Variants in GDA observed in about 807,000 individuals in gnomAD.
GDA encodes the protein guanine deaminase.
In GDA, 18 loss-of-function variants were observed where a neutral mutation model predicts 59.6. The observed-to-expected ratio is 0.30, with a 90% CI of 0.21 to 0.45. GDA has a LOEUF of 0.45. GDA is among the 20% of genes least tolerant of loss of function. GDA has a pLI of 1.00. For synonymous variants in GDA, 201 were observed against 201.1 expected (o/e 1.00, Z 0.00); for missense variants, 427 against 552.3 (o/e 0.77, Z 2.27).
chr9:72,219,288 A>C (rs894145768), intron 5 of GDA, among the ~76,000 whole-genome samples, 191 bp from the exon 6 acceptor site: 1 of 152,054 alleles, frequency 6.6e-6, no homozygotes, highest in Non-Finnish European at 1.5e-5. Flanking sequence ...CTGTAGTCCC[A>C]GCTACTCGGG....
At chr9:72,202,769 A>C (rs985092341) in intron 3 of GDA, 27 bp downstream of exon 3, 2 of 1,543,104 alleles carry the variant, frequency 1.3e-6, no homozygotes. Context: ...TGAGTGTGGT[A>C]TTCTGTTTGG....
chr9:72,211,878 A>G (rs1835417258), intron 4 of GDA, among the ~76,000 whole-genome samples: 1 of 152,208 alleles, frequency 6.6e-6, no homozygotes, highest in Admixed American at 6.5e-5. Context: ...AATATGCACC[A>G]AAGACTCAAA....
chr9:72,232,896 A>T (rs553986720), intron 10 of GDA, among the ~76,000 whole-genome samples: 1 of 152,260 alleles, frequency 6.6e-6, no homozygotes, highest in African/African-American at 2.4e-5. Flanking sequence ...AAACTTTAAA[A>T]TGCATGCAAA....
At chr9:72,166,984 C>A (rs2130905987) in intron 1 of GDA, among the ~76,000 whole-genome samples, 1 of 152,240 alleles carries the variant, frequency 6.6e-6, no homozygotes, top group African/African-American at 2.4e-5. Context: ...TCTTGACAGG[C>A]AAAGATGATT....
chr9:72,203,815 T>A (rs1834318341), intron 3 of GDA, among the ~76,000 whole-genome samples: 1 of 152,092 alleles, frequency 6.6e-6, no homozygotes, highest in Admixed American at 6.6e-5. Flanking sequence ...AAGTGCTTTT[T>A]TTTTTTCTTC....
At position 72,118,472 on chromosome 9, in the gene GDA, A is replaced by G. The variant is rs374869529; in HGVS notation, c.-100+3639A>G. ...CAAGCGAACTCTAAAGTCACACTAT[A>G]AATATGTTTTTATCACGATATTGAT... On this transcript the variant is annotated intron_variant, in intron 1 of 13. Coordinates refer to the GDA transcript ENST00000545168. Among the ~76,000 whole-genome samples the G allele has an allele frequency of 1.1e-4, 17 of 152,208 alleles. 1 individual carries two copies. The East Asian group carries it at 2.9e-3, about 26-fold the overall frequency.
intron 1 of GDA, among the ~76,000 whole-genome samples, chr9:72,137,220 A>T (rs10869128): frequency 0.17 from 23,599 of 136,182 alleles, 3,694 homozygotes; most frequent in African/African-American, 0.41. Flanking sequence ...AAAAAAAAAA[A>T]TTAGGATCCT....
At chr9:72,253,461 C>T (rs1840808786), downstream of GDA, 1 of 152,118 alleles carries the variant, frequency 6.6e-6, no homozygotes, top group African/African-American at 2.4e-5. Flanking sequence ...ACTCTAACTG[C>T]CCTGGGAAAC....
At chr9:72,210,970 A>T (rs956622537) in intron 4 of GDA, among the ~76,000 whole-genome samples, 196 bp downstream of exon 4, 5 of 152,306 alleles carry the variant, frequency 3.3e-5, no homozygotes, top group African/African-American at 7.2e-5. Context: ...TAGAAAATAG[A>T]AAACTGTATC....
At chr9:72,255,795 T>C (rs1054046644), downstream of GDA, among the ~76,000 whole-genome samples, 4 of 152,194 alleles carry the variant, frequency 2.6e-5, no homozygotes, top group African/African-American at 9.7e-5. Flanking sequence ...GTTGTTTGTT[T>C]ATTTATTAAA....
At chr9:72,239,530 G>T (rs192967149) in intron 10 of GDA, among the ~76,000 whole-genome samples, 1 of 151,814 alleles carries the variant, frequency 6.6e-6, no homozygotes, top group African/African-American at 2.4e-5. Flanking sequence ...ACTTCCAGTC[G>T]TTACCCATAT....
intron 1 of GDA, among the ~76,000 whole-genome samples, chr9:72,143,648 C>CTTTAA (rs1826522005): frequency 6.6e-6 from 1 of 152,102 alleles, no homozygotes; most frequent in Admixed American, 6.6e-5. Flanking sequence ...TTCTGTTTTC[C>CTTTAA]CTTTTTCTAT....
At chr9:72,187,529 G>A (rs1454496118) in intron 1 of GDA, among the ~76,000 whole-genome samples, 2 of 152,140 alleles carry the variant, frequency 1.3e-5, no homozygotes, top group African/African-American at 4.8e-5. Context: ...TTACCAATCT[G>A]TGGTATTCTG....
At chr9:72,163,956 C>T (rs1004930097) in intron 1 of GDA, among the ~76,000 whole-genome samples, 2 of 152,176 alleles carry the variant, frequency 1.3e-5, no homozygotes, top group African/African-American at 4.8e-5. Context: ...TACTCCTGAC[C>T]TCTCTGTTTT....
intron 1 of GDA, among the ~76,000 whole-genome samples, chr9:72,126,959 TAGCCGC>T (rs1163515883): frequency 6.6e-6 from 1 of 152,118 alleles, no homozygotes; most frequent in Non-Finnish European, 1.5e-5. Flanking sequence ...AGCAAATTAC[TAGCCGC>T]GATAGATCAG....
chr9:72,186,570 C>G lies in GDA; in HGVS notation c.124-8930C>G, dbSNP rs971730835. On this transcript the variant is annotated intron_variant, in intron 1 of 13. Transcript: ENST00000358399. Reference sequence around the variant, plus strand: ...TCTTCATCAATTTATTGTTCCCAGTCTCTGGAATAATCCTGAGCATACAGG... The same window carrying G: ...TCTTCATCAATTTATTGTTCCCAGTGTCTGGAATAATCCTGAGCATACAGG... Among the ~76,000 whole-genome samples, 4 of 152,138 alleles carry G rather than the reference C, an allele frequency of 2.6e-5. No individual in the cohort carries two copies. The East Asian group carries it at 5.8e-4, about 22-fold the overall frequency.
At chr9:72,223,280 G>T in intron 7 of GDA, 53 bp downstream of exon 7, 1 of 939,866 alleles carries the variant, frequency 1.1e-6, no homozygotes, top group Non-Finnish European at 1.7e-6. Flanking sequence ...AGATTTCTCA[G>T]CACCCTTAAA....
At chr9:72,116,501 G>C (rs1216235526) in intron 1 of GDA, among the ~76,000 whole-genome samples, 1 of 148,922 alleles carries the variant, frequency 6.7e-6, no homozygotes, top group African/African-American at 2.5e-5. Context: ...TCCTGCCTCA[G>C]CCTTCCGAGT....
Position 72,250,930 on chromosome 9 carries a change from A to T in GDA, c.*2588A>T. On this transcript the variant is annotated 3_prime_UTR_variant, in exon 14 of 14. Coordinates refer to ENST00000358399, the MANE Select transcript of GDA (RefSeq NM_004293.5). ...AAAAGCAGGCTAGTCAGCTAAGGTA[A>T]ATTTCATTTTCAAACGAGAGGGAAA... 4 of 1,096,934 alleles carry T rather than the reference A, an allele frequency of 3.6e-6. No individual in the cohort carries two copies. The highest frequency in any genetic ancestry group is 5.4e-6 in the Non-Finnish European group (4 of 741,684). The allele number at this position is 1,096,934 out of a possible 1,614,324, so 68.0% of individuals were successfully genotyped here.
Sources: allele counts gnomAD v4.1 joint callset (sites outside exome capture counted in the v4.1 genomes callset), GRCh38; gene constraint gnomAD v4.1.1; transcripts MANE v1.5; gene names NCBI Gene and HGNC (gene_info 2026-07-23, HGNC 2026-07-21).